Variants in PTK7 observed in about 807,000 individuals in gnomAD.
PTK7 encodes the protein inactive tyrosine-protein kinase 7.
Under a neutral mutation model 116.6 loss-of-function variants are expected in PTK7, and 39 were observed. That is an observed-to-expected ratio of 0.33 (90% CI 0.26 to 0.44). The LOEUF (loss-of-function observed/expected upper bound fraction) is 0.44. Ranked by LOEUF, PTK7 falls within the 20% of genes least tolerant of loss-of-function variation. The probability of loss-of-function intolerance (pLI) is 1.00; values close to 1 mark genes in which losing one functional copy is unlikely to be tolerated. For missense variants in PTK7, 1,169 were observed against 1,425.6 expected, an observed-to-expected ratio of 0.82 and a Z score of 2.90; for synonymous variants, 546 against 563.6, an observed-to-expected ratio of 0.97 and a Z score of 0.44.
At position 43,151,719 on chromosome 6, in the gene PTK7, A is replaced by G. The variant is rs578185369; in HGVS notation, c.2721+5021A>G. On this transcript the variant is annotated intron_variant, in intron 17 of 19. Coordinates refer to ENST00000230419, the MANE Select transcript of PTK7 (RefSeq NM_002821.5). ...GCCCGGCTAATTTTTTTGTATTTTT[A>G]GTGGAGACGGGGTTTGACCAAGTTG... 1.1e-4 allele frequency among the ~76,000 whole-genome samples: 16 copies of G among 142,680 alleles called. No individual in the cohort carries two copies. The East Asian group carries it at 3.1e-3, about 28-fold the overall frequency. 93.6% of individuals were successfully genotyped at this position (142,680 alleles called of 152,430 possible).
chr6:43,104,933 C>T (rs1393858051), intron 1 of PTK7, among the ~76,000 whole-genome samples: 1 of 151,526 alleles, frequency 6.6e-6, no homozygotes, highest in Admixed American at 6.6e-5. Context: ...CTGTCTCAGC[C>T]TCTTGAGTAG....
chr6:43,150,638 G>T (rs1469872858), intron 17 of PTK7, among the ~76,000 whole-genome samples: 1 of 152,050 alleles, frequency 6.6e-6, no homozygotes, highest in Non-Finnish European at 1.5e-5. Context: ...ATCAAGCAAG[G>T]TTGGACAATG....
chr6:43,152,793 T>TGTTAC (rs1491126716), intron 17 of PTK7, among the ~76,000 whole-genome samples: 2 of 150,246 alleles, frequency 1.3e-5, no homozygotes, highest in Non-Finnish European at 3.0e-5. Flanking sequence ...TGTTATGTTA[T>TGTTAC]GTATTCTTTA....
chr6:43,142,597 G>A (rs962157810), intron 13 of PTK7: 100 of 474,706 alleles, frequency 2.1e-4, no homozygotes, highest in Non-Finnish European at 3.2e-4. Flanking sequence ...ATATCTCTGG[G>A]TGGCTGGGGA....
intron 1 of PTK7, among the ~76,000 whole-genome samples, chr6:43,087,104 C>T (rs529540500): frequency 1.3e-5 from 2 of 152,230 alleles, no homozygotes; most frequent in Admixed American, 6.5e-5. Context: ...CACTACTGTT[C>T]TGCCTCCTAT....
At chr6:43,084,876 G>A (rs185944215) in intron 1 of PTK7, among the ~76,000 whole-genome samples, 8 of 152,296 alleles carry the variant, frequency 5.3e-5, no homozygotes, top group African/African-American at 1.7e-4. Context: ...AATAGATGTA[G>A]TCAGTGACGG....
intron 1 of PTK7, among the ~76,000 whole-genome samples, chr6:43,111,689 G>T (rs190626675): frequency 1.3e-5 from 2 of 152,044 alleles, no homozygotes; most frequent in African/African-American, 4.8e-5. Flanking sequence ...TTTGAGACAG[G>T]TCTCACTCTG....
intron 7 of PTK7, 165 bp downstream of exon 7, chr6:43,132,852 C>G: frequency 2.0e-6 from 2 of 978,550 alleles, no homozygotes; most frequent in South Asian, 2.8e-5. Flanking sequence ...AGTAGAGAGC[C>G]AGGCACAGGG....
chr6:43,136,357 T>C (rs1400114728), intron 7 of PTK7, among the ~76,000 whole-genome samples: 1 of 148,704 alleles, frequency 6.7e-6, no homozygotes, highest in East Asian at 2.0e-4. Context: ...AACCAAACCG[T>C]AGTGACTTGA....
At chr6:43,117,698 G>C (rs1414956992) in intron 1 of PTK7, among the ~76,000 whole-genome samples, 1 of 152,160 alleles carries the variant, frequency 6.6e-6, no homozygotes, top group Non-Finnish European at 1.5e-5. Flanking sequence ...AGAGCACTTT[G>C]GGAGGCCAAG....
chr6:43,137,238 A>G (rs1433209780), intron 7 of PTK7, among the ~76,000 whole-genome samples: 2 of 152,222 alleles, frequency 1.3e-5, no homozygotes, highest in African/African-American at 4.8e-5. Flanking sequence ...AAGGAGACCC[A>G]TACTAAGTAG....
intron 1 of PTK7, among the ~76,000 whole-genome samples, chr6:43,081,902 G>C (rs547243416): frequency 3.3e-5 from 5 of 152,270 alleles, no homozygotes; most frequent in African/African-American, 9.6e-5. Flanking sequence ...TTAAGGATCA[G>C]ACCTTCCTTC....
chr6:43,141,952 A>C lies in PTK7; in HGVS notation c.1790A>C (p.Glu597Ala). 6.2e-7 allele frequency: 1 copy of C among 1,610,162 alleles called. No individual in the cohort carries two copies. Among genetic ancestry groups the C allele is most frequent in the Non-Finnish European group, 8.5e-7 (1 of 1,178,002 alleles). Reference sequence around the variant, plus strand: ...CCAGTTTTTATCACCTTCAAAGTGGAACCAGAGCGTACGACTGTGTACCAG... The same window carrying C: ...CCAGTTTTTATCACCTTCAAAGTGGCACCAGAGCGTACGACTGTGTACCAG... ...TVAVFITFKV[E>A]PERTTVYQGH... The change falls in exon 12 of 20, where the codon GAA becomes GCA. Residue 597 changes from glutamate (E) to alanine (A), a missense_variant. Physicochemically the swap from Glu to Ala is moderately radical, Grantham distance 107. Coordinates refer to ENST00000230419, the MANE Select transcript of PTK7 (RefSeq NM_002821.5). This position sits in a 1 kb window ranked among gnomAD's most constrained non-coding sequence, Gnocchi z 4.9.
chr6:43,097,709 T>C (rs1487559476), intron 1 of PTK7, among the ~76,000 whole-genome samples: 1 of 152,204 alleles, frequency 6.6e-6, no homozygotes, highest in Non-Finnish European at 1.5e-5. Context: ...TATGCCGAGA[T>C]GGCCAGATAA....
chr6:43,150,787 CTTTTTTT>C (rs1176963526), intron 17 of PTK7, among the ~76,000 whole-genome samples: 1 of 60,742 alleles, frequency 1.6e-5, no homozygotes, highest in Non-Finnish European at 3.0e-5. Flanking sequence ...GTAGACTCAG[CTTTTTTT>C]TTTTTTTTTT....
Position 43,129,821 on chromosome 6 carries a change from G to C in PTK7, c.462G>C (p.Gly154=). The part of the protein sequence containing the change: ...TQVTLRCHID[G]HPRPTYQWFR... ...TCACACTTCGTTGCCACATTGATGG[G>C]CACCCTCGGTAAGGAGTCAGGGAGG... Residue 154 remains glycine, a synonymous_variant, in exon 3 of 20, where the codon GGG becomes GGC. Coordinates refer to ENST00000230419, the MANE Select transcript of PTK7 (RefSeq NM_002821.5). The surrounding 1 kb of genome is among the most constrained non-coding windows in gnomAD (Gnocchi z 4.5). The C allele has an allele frequency of 6.2e-7, 1 of 1,613,994 alleles. No individual in the cohort carries two copies. Among genetic ancestry groups the C allele is most frequent in the Non-Finnish European group, 8.5e-7 (1 of 1,179,890 alleles).
At chr6:43,118,745 G>GTGTA (rs1279628796) in intron 1 of PTK7, among the ~76,000 whole-genome samples, 2 of 123,362 alleles carry the variant, frequency 1.6e-5, no homozygotes, top group Non-Finnish European at 3.1e-5. Flanking sequence ...ATATATGTGT[G>GTGTA]TGTATGTGTG....
At chr6:43,079,159 C>T (rs374104463) in intron 1 of PTK7, among the ~76,000 whole-genome samples, 1 of 152,152 alleles carries the variant, frequency 6.6e-6, no homozygotes, top group African/African-American at 2.4e-5. Context: ...AATAGGACTC[C>T]CTGAGAATAA....
Position 43,157,364 on chromosome 6 carries a change from A to ATTTTT in PTK7, c.2722-1446_2722-1442dup, listed in dbSNP as rs1293389236. Among the ~76,000 whole-genome samples, 45 of 54,316 alleles carry ATTTTT rather than the reference A, an allele frequency of 8.3e-4. 1 individual carries two copies. The highest frequency in any genetic ancestry group is 1.6e-3 in the East Asian group (2 of 1,246). The allele number at this position is 54,316 out of a possible 152,430, so 35.6% of individuals were successfully genotyped here. On this transcript the variant is annotated intron_variant, in intron 17 of 19. Coordinates refer to ENST00000230419, the MANE Select transcript of PTK7 (RefSeq NM_002821.5). ...TATATATATATATATATATATATAT[A>ATTTTT]TTTTTTTTTTTCTTTTTTTTTTTTT...
Sources: gnomAD v4.1 joint callset for allele counts (sites outside exome capture counted in the v4.1 genomes callset) on GRCh38, gnomAD v4.1.1 for gene constraint, Gnocchi (gnomAD v3.1) non-coding constraint, MANE v1.5 for transcripts, NCBI Gene and HGNC (gene_info 2026-07-23, HGNC 2026-07-21) for gene names.